Variants in SHROOM2 observed in about 807,000 individuals in gnomAD.
The protein encoded by SHROOM2 is shroom family member 2.
SHROOM2 carries 33 observed loss-of-function variants against 75.9 expected under a neutral mutation model. The observed-to-expected ratio is 0.43, with a 90% CI of 0.33 to 0.58. The LOEUF (loss-of-function observed/expected upper bound fraction) is 0.58. SHROOM2 is among the 20% of genes least tolerant of loss of function. The probability of loss-of-function intolerance (pLI) is 0.04; values close to 1 mark genes in which losing one functional copy is unlikely to be tolerated. For synonymous variants in SHROOM2, 655 were observed against 663.6 expected (o/e 0.99, Z 0.20); for missense variants, 1,434 against 1,461.2 (o/e 0.98, Z 0.30).
chrX:9,895,334 G>T lies in SHROOM2; in HGVS notation c.1426G>T (p.Gly476Cys), dbSNP rs201256775. 1 of 1,171,613 alleles carries T rather than the reference G, an allele frequency of 8.5e-7. No individual in the cohort carries two copies. Among genetic ancestry groups the T allele is most frequent in the Non-Finnish European group, 1.1e-6 (1 of 876,206 alleles). ...CDQKLGSGWQ[G>C]PRPCVQGDLQ... ...CCAGAAGCTGGGGAGCGGCTGGCAG[G>T]GTCCCCGGCCCTGTGTGCAGGGAGA... The change falls in exon 4 of 10, where the codon GGT becomes TGT. Residue 476 changes from glycine to cysteine, a missense_variant. Coordinates refer to ENST00000380913, the MANE Select transcript of SHROOM2 (RefSeq NM_001649.4).
chrX:9,837,906 C>T (rs767189573), intron 1 of SHROOM2, among the ~76,000 whole-genome samples: 2 of 111,048 alleles, frequency 1.8e-5, no homozygotes, highest in East Asian at 5.7e-4. Flanking sequence ...GTAGCACCTG[C>T]CCCCATGTAT....
intron 1 of SHROOM2, among the ~76,000 whole-genome samples, chrX:9,808,711 A>T (rs1304068938): frequency 9.1e-6 from 1 of 109,945 alleles, no homozygotes; most frequent in Non-Finnish European, 1.9e-5. Context: ...AAAATACAAA[A>T]ATTAGCCAGG....
intron 5 of SHROOM2, among the ~76,000 whole-genome samples, chrX:9,929,017 A>G (rs752096423): frequency 5.3e-5 from 6 of 112,820 alleles, no homozygotes; most frequent in African/African-American, 1.3e-4. Flanking sequence ...TACACACCAG[A>G]TGCATACAAC....
intron 9 of SHROOM2, among the ~76,000 whole-genome samples, chrX:9,946,045 C>T (rs1048775975): frequency 4.4e-5 from 5 of 112,836 alleles, no homozygotes; most frequent in East Asian, 5.6e-4. Context: ...TGCACTCAGC[C>T]GAGTGCTTAG....
At position 9,920,295 on chromosome X, in the gene SHROOM2, AGT is replaced by A. The variant is rs1273027748; in HGVS notation, c.2892-11879_2892-11878del. 4.4e-5 allele frequency among the ~76,000 whole-genome samples: 5 copies of A among 112,434 alleles called. No homozygotes were observed. In the East Asian group the frequency reaches 1.4e-3, roughly 31 times the overall value. ...TGGTCTGTGACTGATACCCCGATAGAGTTGTGGAGGTGAAAAGAATACAGGTG... is the reference window on the plus strand; with the variant it reads ...TGGTCTGTGACTGATACCCCGATAGATGTGGAGGTGAAAAGAATACAGGTG... On this transcript the variant is annotated intron_variant, in intron 5 of 9. Transcript: ENST00000380913.
chrX:9,828,380 AGGCT>A (rs765660251), intron 1 of SHROOM2, among the ~76,000 whole-genome samples: 111 of 112,333 alleles, frequency 9.9e-4, no homozygotes, highest in African/African-American at 3.5e-3. Context: ...TTCTGATCAT[AGGCT>A]GGTGCTTGGG....
Position 9,949,040 on chromosome X carries a change from T to C in SHROOM2, c.*2103T>C, listed in dbSNP as rs916730131. On this transcript the variant is annotated 3_prime_UTR_variant, in exon 10 of 10. Transcript: ENST00000380913. ...CAGCCTTTTGATGTCTTTTTAGGACTTTCTCTTCTACACAGCAATACGTCG... is the reference window on the plus strand; with the variant it reads ...CAGCCTTTTGATGTCTTTTTAGGACCTTCTCTTCTACACAGCAATACGTCG... 2 of 177,948 alleles carry C rather than the reference T, an allele frequency of 1.1e-5. No individual in the cohort carries two copies. The highest frequency in any genetic ancestry group is 1.1e-5 in the Non-Finnish European group (1 of 91,756). 14.7% of individuals were successfully genotyped at this position (177,948 alleles called of 1,213,427 possible).
intron 2 of SHROOM2, among the ~76,000 whole-genome samples, chrX:9,889,048 G>A (rs2084276211): frequency 8.9e-6 from 1 of 112,243 alleles, no homozygotes; most frequent in South Asian, 3.7e-4. Context: ...ATAGCACAGA[G>A]AAAGCCAGCT....
At chrX:9,829,014 G>GTTTGTT (rs778773805) in intron 1 of SHROOM2, among the ~76,000 whole-genome samples, 8 of 110,813 alleles carry the variant, frequency 7.2e-5, no homozygotes, top group South Asian at 3.8e-4. Flanking sequence ...TCCTGGGGTT[G>GTTTGTT]TTTGTTTTTG....
intron 2 of SHROOM2, among the ~76,000 whole-genome samples, chrX:9,878,499 G>T (rs17327510): frequency 0.59 from 65,017 of 110,834 alleles, 15,704 homozygotes; most frequent in South Asian, 0.77. Context: ...TTTGCTAGGA[G>T]CTGGTTTCTT....
chrX:9,798,461 A>G (rs1176169811), intron 1 of SHROOM2, among the ~76,000 whole-genome samples: 1 of 111,999 alleles, frequency 8.9e-6, no homozygotes, highest in Non-Finnish European at 1.9e-5. Context: ...AGATTGATCC[A>G]TAGCCCAAAA....
chrX:9,856,735 C>T (rs1028165433), intron 1 of SHROOM2, among the ~76,000 whole-genome samples: 13 of 111,836 alleles, frequency 1.2e-4, no homozygotes, highest in African/African-American at 1.6e-4. Flanking sequence ...GCCTTTCTCT[C>T]CCAGTTGCAT....
At position 9,821,662 on chromosome X, in the gene SHROOM2, A is replaced by T. The variant is rs182416495; in HGVS notation, c.165+34952A>T. Among the ~76,000 whole-genome samples, 3 of 112,597 alleles carry T rather than the reference A, an allele frequency of 2.7e-5. No homozygotes were observed. The Admixed American group carries it at 2.8e-4, about 11-fold the overall frequency. On this transcript the variant is annotated intron_variant, in intron 1 of 9. Coordinates refer to ENST00000380913, the MANE Select transcript of SHROOM2 (RefSeq NM_001649.4). Reference sequence around the variant, plus strand: ...TTGCGAACTTTTATTTAGTATTTGAAGTGAAAACGGGTTGAGAAATATACC... The same window carrying T: ...TTGCGAACTTTTATTTAGTATTTGATGTGAAAACGGGTTGAGAAATATACC...
intron 7 of SHROOM2, 119 bp downstream of exon 7, chrX:9,937,804 A>G: frequency 1.6e-6 from 1 of 641,107 alleles, no homozygotes; most frequent in Non-Finnish European, 2.3e-6. Flanking sequence ...ACGGGTTTTC[A>G]TAAGGGCTCC....
intron 1 of SHROOM2, among the ~76,000 whole-genome samples, chrX:9,847,604 C>T (rs764444028): frequency 4.5e-5 from 5 of 112,292 alleles, no homozygotes; most frequent in African/African-American, 1.3e-4. Flanking sequence ...GCTTGCAAAA[C>T]GGCCAGTTGC....
intron 1 of SHROOM2, among the ~76,000 whole-genome samples, chrX:9,859,762 A>C (rs2084093140): frequency 9.0e-6 from 1 of 111,658 alleles, no homozygotes; most frequent in African/African-American, 3.3e-5. Flanking sequence ...GGTGTCCAGA[A>C]CAGCAAGGCT....
chrX:9,915,235 G>A (rs1292313167), intron 5 of SHROOM2, among the ~76,000 whole-genome samples: 7 of 111,569 alleles, frequency 6.3e-5, no homozygotes, highest in African/African-American at 2.3e-4. Context: ...CTTAGGGAGA[G>A]AAGCCAGGGA....
intron 1 of SHROOM2, among the ~76,000 whole-genome samples, chrX:9,815,714 T>C (rs2083817814): frequency 9.1e-6 from 1 of 109,576 alleles, no homozygotes; most frequent in Non-Finnish European, 1.9e-5. Flanking sequence ...ACTGAAGAAC[T>C]TGGAGTCTGA....
intron 5 of SHROOM2, among the ~76,000 whole-genome samples, chrX:9,926,001 G>A (rs2084590446): frequency 1.8e-5 from 2 of 111,685 alleles, no homozygotes; most frequent in South Asian, 7.4e-4. Context: ...TGGTGCTGGT[G>A]TCACAGAGGC....
Sources: gnomAD v4.1 joint callset for allele counts (sites outside exome capture counted in the v4.1 genomes callset) on GRCh38, gnomAD v4.1.1 for gene constraint, MANE v1.5 for transcripts, NCBI Gene and HGNC (gene_info 2026-07-23, HGNC 2026-07-21) for gene names.